Variants in AGBL1 observed in about 807,000 individuals in gnomAD.
The protein encoded by AGBL1 is AGBL carboxypeptidase 1.
AGBL1 carries 130 observed loss-of-function variants against 118.9 expected under a neutral mutation model. The ratio of observed to expected loss-of-function variants is 1.09; its 90% CI spans 0.95 to 1.26. The LOEUF (loss-of-function observed/expected upper bound fraction) is 1.26, where lower values mean the gene tolerates loss of function less well. AGBL1 is among the 50% of genes most tolerant of loss of function. AGBL1 has a pLI of 0.00. For synonymous variants in AGBL1, 555 were observed against 478.9 expected, an observed-to-expected ratio of 1.16 and a Z score of -2.08; for missense variants, 1,584 against 1,298.1, an observed-to-expected ratio of 1.22 and a Z score of -3.38.
intron 22 of AGBL1, among the ~76,000 whole-genome samples, chr15:86,683,001 A>G (rs567208068): frequency 1.3e-5 from 2 of 152,260 alleles, no homozygotes; most frequent in East Asian, 3.9e-4. Context: ...ATTTGAATCT[A>G]CTTTTGCCTA....
At chr15:86,607,482 T>G (rs1238525550) in intron 21 of AGBL1, among the ~76,000 whole-genome samples, 2 of 152,198 alleles carry the variant, frequency 1.3e-5, no homozygotes, top group Admixed American at 6.5e-5. Context: ...TGTTTGATTT[T>G]GTAGGAAACC....
At chr15:87,027,355 G>A (rs1446290899) in intron 24 of AGBL1, among the ~76,000 whole-genome samples, 1 of 151,910 alleles carries the variant, frequency 6.6e-6, no homozygotes, top group Non-Finnish European at 1.5e-5. Context: ...TTAAACCATT[G>A]TGGAAGACAT....
chr15:86,447,542 CA>C (rs1289323973), intron 18 of AGBL1, among the ~76,000 whole-genome samples: 1 of 152,152 alleles, frequency 6.6e-6, no homozygotes, highest in African/African-American at 2.4e-5. Flanking sequence ...CAACATCAGT[CA>C]AAGTGTTTAA....
At chr15:86,690,070 A>G (rs1429062460) in intron 22 of AGBL1, among the ~76,000 whole-genome samples, 1 of 152,162 alleles carries the variant, frequency 6.6e-6, no homozygotes, top group Non-Finnish European at 1.5e-5. Flanking sequence ...ATTATGGTTC[A>G]TTTCTGAGCC....
intron 18 of AGBL1, among the ~76,000 whole-genome samples, chr15:86,404,662 A>T (rs1404399199): frequency 1.3e-5 from 2 of 152,210 alleles, no homozygotes. Context: ...CTGAGATCCC[A>T]AACAATTGAC....
intron 21 of AGBL1, among the ~76,000 whole-genome samples, chr15:86,572,801 C>G (rs965134277): frequency 6.6e-6 from 1 of 152,242 alleles, no homozygotes; most frequent in African/African-American, 2.4e-5. Context: ...GACGGCCCGC[C>G]CCTGCCATCA....
chr15:86,488,116 A>G (rs2082734757), intron 18 of AGBL1, among the ~76,000 whole-genome samples: 1 of 152,052 alleles, frequency 6.6e-6, no homozygotes, highest in Admixed American at 6.6e-5. Flanking sequence ...CAGCTAAATA[A>G]CAGCTGGAAG....
chr15:86,098,226 G>A (rs771710254), intron 1 of AGBL1, among the ~76,000 whole-genome samples: 1 of 151,882 alleles, frequency 6.6e-6, no homozygotes, highest in Non-Finnish European at 1.5e-5. Flanking sequence ...CTTCTTGGAT[G>A]AATAGTTTGC....
intron 20 of AGBL1, among the ~76,000 whole-genome samples, chr15:86,549,181 T>C (rs2083630087): frequency 6.6e-6 from 1 of 151,962 alleles, no homozygotes; most frequent in Non-Finnish European, 1.5e-5. Context: ...CTAAACTATA[T>C]CGTATGGATT....
At chr15:86,301,199 G>C (rs991470803) in intron 17 of AGBL1, among the ~76,000 whole-genome samples, 3 of 152,136 alleles carry the variant, frequency 2.0e-5, no homozygotes, top group Non-Finnish European at 4.4e-5. Flanking sequence ...ACCTCCCAGA[G>C]ACATGTGGGG....
chr15:86,514,370 A>G (rs2083092040), intron 18 of AGBL1, among the ~76,000 whole-genome samples: 1 of 152,134 alleles, frequency 6.6e-6, no homozygotes, highest in Non-Finnish European at 1.5e-5. Flanking sequence ...TTGCCAGCTC[A>G]GAATTGTGCA....
At chr15:86,986,905 C>A (rs2141732902) in intron 23 of AGBL1, among the ~76,000 whole-genome samples, 1 of 151,826 alleles carries the variant, frequency 6.6e-6, no homozygotes, top group East Asian at 1.9e-4. Flanking sequence ...GAGAGTCAGC[C>A]AAAGGAGATA....
intron 22 of AGBL1, among the ~76,000 whole-genome samples, chr15:86,685,568 T>C (rs572674620): frequency 2.0e-5 from 3 of 152,228 alleles, no homozygotes; most frequent in East Asian, 1.9e-4. Flanking sequence ...GAGACGATAA[T>C]GATATAGAAT....
intron 22 of AGBL1, among the ~76,000 whole-genome samples, chr15:86,758,321 A>G (rs190148018): frequency 6.6e-6 from 1 of 152,216 alleles, no homozygotes; most frequent in Admixed American, 6.5e-5. Context: ...TTTCTGGTTC[A>G]TAATCTACTC....
chr15:86,588,474 G>C (rs987493741), intron 21 of AGBL1, among the ~76,000 whole-genome samples: 1 of 152,220 alleles, frequency 6.6e-6, no homozygotes, highest in South Asian at 2.1e-4. Context: ...GCTGTGTCCT[G>C]CAAGGGAGAA....
chr15:86,229,415 T>A (rs1454837348), intron 6 of AGBL1, among the ~76,000 whole-genome samples: 1 of 152,152 alleles, frequency 6.6e-6, no homozygotes, highest in Non-Finnish European at 1.5e-5. Context: ...TCACATCTCA[T>A]GAGAACTCAC....
chr15:86,283,962 T>A (rs1679243248), intron 16 of AGBL1, among the ~76,000 whole-genome samples: 2 of 152,064 alleles, frequency 1.3e-5, no homozygotes, highest in East Asian at 1.9e-4. Flanking sequence ...TCTCTTAGCC[T>A]CGGTTTTCTC....
chr15:86,185,981 T>C (rs181827358), intron 5 of AGBL1, among the ~76,000 whole-genome samples: 43 of 152,340 alleles, frequency 2.8e-4, no homozygotes, highest in East Asian at 1.9e-4. Flanking sequence ...AGTTCAGCTT[T>C]TGTTTTTGAA....
intron 22 of AGBL1, among the ~76,000 whole-genome samples, chr15:86,903,995 C>T (rs976658608): frequency 7.3e-6 from 1 of 136,598 alleles, no homozygotes; most frequent in Non-Finnish European, 1.6e-5. Context: ...AGATGGGGGT[C>T]TGGTGAGAGT....
Sources: gnomAD v4.1 joint callset for allele counts (sites outside exome capture counted in the v4.1 genomes callset) on GRCh38, gnomAD v4.1.1 for gene constraint, MANE v1.5 for transcripts, NCBI Gene and HGNC (gene_info 2026-07-23, HGNC 2026-07-21) for gene names.